ALK: variants seen among roughly 807,000 people sequenced by gnomAD.
The protein encoded by ALK is ALK tyrosine kinase receptor.
A neutral mutation model predicts 163.1 loss-of-function variants in ALK; 74 were observed. The observed-to-expected ratio is 0.45, with a 90% confidence interval of 0.38 to 0.55. The LOEUF (loss-of-function observed/expected upper bound fraction) is 0.55. Among genes scored for constraint, ALK ranks in the 20% least tolerant of loss-of-function variants. ALK has a pLI of 0.00. For missense variants in ALK, 2,063 were observed against 2,105.3 expected (o/e 0.98, Z 0.39); for synonymous variants, 960 against 843.2 (o/e 1.14, Z -2.40).
intron 3 of ALK, among the ~76,000 whole-genome samples, chr2:29,567,401 T>C (rs1042929636): frequency 2.0e-5 from 3 of 152,218 alleles, no homozygotes; most frequent in Admixed American, 1.3e-4. Flanking sequence ...CGCTCATAAA[T>C]GGGCAGGGGT....
At chr2:29,237,975 A>G (rs1016740735) in intron 13 of ALK, among the ~76,000 whole-genome samples, 1 of 152,194 alleles carries the variant, frequency 6.6e-6, no homozygotes, top group African/African-American at 2.4e-5. Flanking sequence ...GACTCATGCC[A>G]CCAGGCGAGG....
chr2:29,836,143 A>T (rs1386020086), intron 1 of ALK, among the ~76,000 whole-genome samples: 1 of 152,178 alleles, frequency 6.6e-6, no homozygotes, highest in Non-Finnish European at 1.5e-5. Flanking sequence ...CCCAGGGAGC[A>T]CTTCTTTTAA....
At chr2:29,625,017 G>T (rs564392870) in intron 3 of ALK, among the ~76,000 whole-genome samples, 43 of 152,318 alleles carry the variant, frequency 2.8e-4, no homozygotes, top group African/African-American at 8.7e-4. Context: ...GTTCACATTT[G>T]CCCACATGAG....
intron 3 of ALK, among the ~76,000 whole-genome samples, chr2:29,623,744 T>A (rs1425146825): frequency 6.6e-6 from 1 of 152,250 alleles, no homozygotes; most frequent in East Asian, 1.9e-4. Flanking sequence ...TATCGCTTTT[T>A]TAAGGTTGTG....
chr2:29,321,695 G>A (rs993664144), intron 6 of ALK, among the ~76,000 whole-genome samples: 2 of 152,192 alleles, frequency 1.3e-5, no homozygotes, highest in Non-Finnish European at 1.5e-5. Flanking sequence ...GTGGAGCAGA[G>A]GCCCCTCCCA....
chr2:29,782,084 G>A (rs980623219), intron 1 of ALK, among the ~76,000 whole-genome samples: 2 of 152,166 alleles, frequency 1.3e-5, no homozygotes, highest in African/African-American at 4.8e-5. Flanking sequence ...TCTTCCTCAT[G>A]TCATTGCCTC....
intron 4 of ALK, among the ~76,000 whole-genome samples, chr2:29,405,249 G>T (rs1669555996): frequency 6.6e-6 from 1 of 152,130 alleles, no homozygotes; most frequent in Non-Finnish European, 1.5e-5. Context: ...GAGAAACACT[G>T]AAGGGGTCAT....
chr2:29,359,250 G>A (rs971402792), intron 5 of ALK, among the ~76,000 whole-genome samples: 1 of 152,210 alleles, frequency 6.6e-6, no homozygotes, highest in South Asian at 2.1e-4. Flanking sequence ...ATGGAGTCAA[G>A]GTTTGCATTG....
At chr2:29,260,875 C>T (rs559893544) in intron 11 of ALK, among the ~76,000 whole-genome samples, 8 of 152,040 alleles carry the variant, frequency 5.3e-5, no homozygotes, top group South Asian at 2.1e-4. Context: ...AACAAAAAAA[C>T]GCAGTTTGCT....
chr2:29,335,290 A>G (rs1013286656), intron 5 of ALK, among the ~76,000 whole-genome samples: 3 of 152,162 alleles, frequency 2.0e-5, no homozygotes, highest in African/African-American at 4.8e-5. Flanking sequence ...AGCCTTTGAA[A>G]TGGCACTTCC....
intron 1 of ALK, among the ~76,000 whole-genome samples, chr2:29,870,260 G>A (rs996392769): frequency 6.6e-6 from 1 of 152,176 alleles, no homozygotes; most frequent in African/African-American, 2.4e-5. Context: ...TAGTTTTGCA[G>A]GCTGTACAGG....
chr2:29,851,314 G>A (rs1163704089), intron 1 of ALK, among the ~76,000 whole-genome samples: 1 of 152,132 alleles, frequency 6.6e-6, no homozygotes, highest in East Asian at 1.9e-4. Flanking sequence ...ACAGCTGGCT[G>A]CTTCCTTTCA....
chr2:29,292,888 C>T (rs552263771), intron 9 of ALK, among the ~76,000 whole-genome samples: 13 of 152,232 alleles, frequency 8.5e-5, no homozygotes, highest in East Asian at 7.7e-4. Flanking sequence ...ACTTATTCAC[C>T]GAGCCTTCCC....
At chr2:29,473,477 A>T (rs1671420198) in intron 4 of ALK, among the ~76,000 whole-genome samples, 1 of 152,248 alleles carries the variant, frequency 6.6e-6, no homozygotes, top group Non-Finnish European at 1.5e-5. Flanking sequence ...TATCTGCAAT[A>T]TTCACAATGT....
chr2:29,670,259 T>C (rs766234408), intron 3 of ALK, among the ~76,000 whole-genome samples: 12 of 152,088 alleles, frequency 7.9e-5, no homozygotes, highest in Admixed American at 1.3e-4. Context: ...CTTTCCTTCA[T>C]AGTTGAAGAA....
At chr2:29,525,942 G>A (rs1378161254) in intron 4 of ALK, among the ~76,000 whole-genome samples, 1 of 152,120 alleles carries the variant, frequency 6.6e-6, no homozygotes, top group Non-Finnish European at 1.5e-5. Flanking sequence ...TTTAGTAGTT[G>A]CTTCAATATT....
At chr2:29,900,086 C>T (rs541866086) in intron 1 of ALK, among the ~76,000 whole-genome samples, 71 of 152,370 alleles carry the variant, frequency 4.7e-4, no homozygotes, top group African/African-American at 1.7e-3. Context: ...CTGACCTGAC[C>T]TGAGAGCATT....
chr2:29,382,084 C>T (rs1403067884), intron 5 of ALK, among the ~76,000 whole-genome samples: 3 of 152,174 alleles, frequency 2.0e-5, no homozygotes, highest in Non-Finnish European at 4.4e-5. Context: ...GAGCTAGAGC[C>T]ACTGAAAGAA....
intron 5 of ALK, among the ~76,000 whole-genome samples, chr2:29,365,243 T>G (rs1255901794): frequency 6.6e-6 from 1 of 152,246 alleles, no homozygotes; most frequent in African/African-American, 2.4e-5. Flanking sequence ...TGAGAAGTCA[T>G]GAGCAGCAGG....
Sources: gnomAD v4.1 joint callset for allele counts (sites outside exome capture counted in the v4.1 genomes callset) on GRCh38, gnomAD v4.1.1 for gene constraint, MANE v1.5 for transcripts, NCBI Gene and HGNC (gene_info 2026-07-23, HGNC 2026-07-21) for gene names.